The following XKR6 variants were observed in gnomAD, a reference collection of about 807,000 sequenced individuals.
The protein encoded by XKR6 is XK-related protein 6.
XKR6 carries 22 observed loss-of-function variants against 56.7 expected under a neutral mutation model. The ratio of observed to expected loss-of-function variants is 0.39; its 90% confidence interval spans 0.28 to 0.55. The LOEUF is 0.55. Ranked by LOEUF, XKR6 falls within the 20% of genes least tolerant of loss-of-function variation. XKR6 has a pLI of 0.66. For missense variants in XKR6, 852 were observed against 889.0 expected (o/e 0.96, Z 0.53); for synonymous variants, 524 against 387.8 (o/e 1.35, Z -4.13).
rs117589973 is a variant in XKR6, at chr8:11,176,255, T to G, written c.764+24321A>C. ...CCAACATATGCATAAATCCTTTGTT[T>G]TGATCTTTATAACCATTTCTAAGAT... On this transcript the variant is annotated intron_variant, in intron 1 of 2. Transcript: ENST00000416569. 6.6e-3 allele frequency among the ~76,000 whole-genome samples: 1,011 copies of G among 152,340 alleles called. 4 individuals carry two copies. The highest frequency in any genetic ancestry group is 0.01 in the Non-Finnish European group (713 of 68,026).
chr8:11,094,539 T>A (rs1798207413), intron 1 of XKR6, among the ~76,000 whole-genome samples: 1 of 152,110 alleles, frequency 6.6e-6, no homozygotes, highest in Non-Finnish European at 1.5e-5. Context: ...CTCAAATGGA[T>A]CAGAGGACCT....
intron 1 of XKR6, among the ~76,000 whole-genome samples, chr8:11,076,905 G>A (rs966046799): frequency 6.6e-6 from 1 of 152,214 alleles, no homozygotes; most frequent in Non-Finnish European, 1.5e-5. Context: ...GGCTGAGCGC[G>A]GTGGCTCATG....
At chr8:11,158,322 G>C (rs550301962) in intron 1 of XKR6, among the ~76,000 whole-genome samples, 1 of 152,152 alleles carries the variant, frequency 6.6e-6, no homozygotes, top group Non-Finnish European at 1.5e-5. Context: ...AGAAGCACTC[G>C]CCAAGAAAAG....
intron 1 of XKR6, among the ~76,000 whole-genome samples, chr8:11,054,376 T>C (rs1340687301): frequency 2.0e-5 from 3 of 152,226 alleles, no homozygotes; most frequent in African/African-American, 7.2e-5. Context: ...ACTCAAGGAC[T>C]ATGTGCCCTG....
chr8:11,103,592 A>C (rs940781729), intron 1 of XKR6, among the ~76,000 whole-genome samples: 2 of 152,202 alleles, frequency 1.3e-5, no homozygotes, highest in African/African-American at 4.8e-5. Context: ...ATGGGGCTGT[A>C]AAGGGTCACT....
At position 10,896,560 on chromosome 8, in the gene XKR6, CAT is replaced by C. The variant is rs1012760055; in HGVS notation, c.*1390_*1391del. ...TACGTGTGCTATGGGCACACACACA[CAT>C]ACACACACAAACACACACATACTAC... On this transcript the variant is annotated 3_prime_UTR_variant, in exon 3 of 3. Coordinates refer to ENST00000416569, the MANE Select transcript of XKR6 (RefSeq NM_173683.4). 2.0e-5 allele frequency: 3 copies of C among 152,638 alleles called. No homozygotes were observed. The highest frequency in any genetic ancestry group is 6.5e-5 in the Admixed American group (1 of 15,280). The allele number at this position is 152,638 out of a possible 1,614,324, so 9.5% of individuals were successfully genotyped here.
At chr8:11,118,360 T>G (rs1344544929) in intron 1 of XKR6, among the ~76,000 whole-genome samples, 1 of 152,248 alleles carries the variant, frequency 6.6e-6, no homozygotes, top group African/African-American at 2.4e-5. Flanking sequence ...TTTCTATTGA[T>G]TGGAATAGTT....
At chr8:11,114,891 T>A (rs1307815063) in intron 1 of XKR6, among the ~76,000 whole-genome samples, 1 of 152,150 alleles carries the variant, frequency 6.6e-6, no homozygotes, top group Admixed American at 6.5e-5. Context: ...TCGTACAACA[T>A]GAAAACTAAC....
chr8:10,983,742 G>A (rs921140525), intron 1 of XKR6, among the ~76,000 whole-genome samples: 1 of 151,294 alleles, frequency 6.6e-6, no homozygotes, highest in African/African-American at 2.4e-5. Flanking sequence ...TGCAAGCTCC[G>A]CCTCCCAGGT....
intron 1 of XKR6, among the ~76,000 whole-genome samples, chr8:10,951,817 T>C (rs1479059739): frequency 6.6e-6 from 1 of 152,048 alleles, no homozygotes; most frequent in Non-Finnish European, 1.5e-5. Context: ...TGACCTGGCC[T>C]GAGCTGGGAG....
chr8:11,146,572 T>G (rs1586613441), intron 1 of XKR6, among the ~76,000 whole-genome samples: 1 of 148,594 alleles, frequency 6.7e-6, no homozygotes, highest in African/African-American at 2.5e-5. Context: ...GAGGCTGCAG[T>G]GAGTCAATAT....
intron 1 of XKR6, among the ~76,000 whole-genome samples, chr8:11,166,146 G>A (rs998412769): frequency 3.3e-5 from 5 of 151,996 alleles, no homozygotes; most frequent in Non-Finnish European, 7.4e-5. Context: ...TTGCAGAGAC[G>A]GGGTTTTGCC....
chr8:10,927,292 G>C (rs936061355), intron 1 of XKR6, among the ~76,000 whole-genome samples: 1 of 152,130 alleles, frequency 6.6e-6, no homozygotes, highest in Non-Finnish European at 1.5e-5. Flanking sequence ...CCCATGTCTA[G>C]GAGAGCTGTG....
intron 1 of XKR6, among the ~76,000 whole-genome samples, chr8:11,103,458 AATT>A (rs1383038008): frequency 1.3e-5 from 2 of 152,210 alleles, no homozygotes; most frequent in African/African-American, 4.8e-5. Flanking sequence ...TTGGAAAGGT[AATT>A]CTTTATTTCT....
At chr8:10,914,245 G>A (rs1347315350) in intron 2 of XKR6, among the ~76,000 whole-genome samples, 1 of 152,140 alleles carries the variant, frequency 6.6e-6, no homozygotes, top group African/African-American at 2.4e-5. Context: ...CAGGGGGTGG[G>A]ACAGCTCACT....
intron 2 of XKR6, among the ~76,000 whole-genome samples, chr8:10,914,002 G>C (rs1800484255): frequency 6.6e-6 from 1 of 152,192 alleles, no homozygotes; most frequent in Admixed American, 6.5e-5. Flanking sequence ...CTCTCCTTTG[G>C]TCAGGTCCGG....
At chr8:11,185,511 G>A (rs1029790381) in intron 1 of XKR6, among the ~76,000 whole-genome samples, 7 of 152,058 alleles carry the variant, frequency 4.6e-5, no homozygotes, top group African/African-American at 9.7e-5. Context: ...CTAAATGTAC[G>A]TACAATTTTT....
chr8:10,982,232 G>A (rs749860012), intron 1 of XKR6, among the ~76,000 whole-genome samples: 21 of 152,146 alleles, frequency 1.4e-4, no homozygotes, highest in African/African-American at 2.4e-4. Context: ...ATAAGAGAAC[G>A]GCACTTTCTC....
At chr8:11,085,708 C>G (rs967691788) in intron 1 of XKR6, among the ~76,000 whole-genome samples, 4 of 152,164 alleles carry the variant, frequency 2.6e-5, no homozygotes, top group Non-Finnish European at 5.9e-5. Context: ...AGGCCTCCCA[C>G]AGGCCTCTCC....
Sources: allele counts gnomAD v4.1 joint callset (sites outside exome capture counted in the v4.1 genomes callset), GRCh38; gene constraint gnomAD v4.1.1; transcripts MANE v1.5; gene names NCBI Gene and HGNC (gene_info 2026-07-23, HGNC 2026-07-21).